The following DPP10 variants were observed in gnomAD, a reference collection of about 807,000 sequenced individuals.
The protein encoded by DPP10 is dipeptidyl peptidase like 10.
In DPP10, 33 loss-of-function variants were observed where a neutral mutation model predicts 120.9. The observed-to-expected ratio is 0.27, with a 90% CI of 0.21 to 0.37. DPP10 has a LOEUF of 0.37. DPP10 is among the 10% of genes least tolerant of loss of function. DPP10 has a pLI of 1.00. For missense variants in DPP10, 816 were observed against 942.8 expected, an observed-to-expected ratio of 0.87 and a Z score of 1.76; for synonymous variants, 337 against 326.1, an observed-to-expected ratio of 1.03 and a Z score of -0.36.
At chr2:115,617,778 C>G (rs1037781391) in intron 5 of DPP10, among the ~76,000 whole-genome samples, 3 of 152,108 alleles carry the variant, frequency 2.0e-5, no homozygotes, top group African/African-American at 4.8e-5. Context: ...GTACCCCCAT[C>G]ATTAAGTAAT....
intron 3 of DPP10, among the ~76,000 whole-genome samples, chr2:115,455,025 A>G (rs1248547044): frequency 1.3e-5 from 2 of 150,956 alleles, no homozygotes; most frequent in Non-Finnish European, 3.0e-5. Flanking sequence ...TATAATATAT[A>G]TTAATATAGC....
chr2:115,246,587 G>A (rs544099482), intron 1 of DPP10, among the ~76,000 whole-genome samples: 6 of 152,170 alleles, frequency 3.9e-5, no homozygotes, highest in Admixed American at 6.5e-5. Flanking sequence ...GCATCTGGGC[G>A]AAGTGTGAAG....
intron 1 of DPP10, among the ~76,000 whole-genome samples, chr2:114,987,870 C>T (rs1305825022): frequency 7.8e-6 from 1 of 128,726 alleles, no homozygotes; most frequent in African/African-American, 2.9e-5. Flanking sequence ...GTGGCTCGAT[C>T]TCGGCTCACT....
chr2:115,263,184 C>T (rs933861688), intron 1 of DPP10, among the ~76,000 whole-genome samples: 3 of 152,180 alleles, frequency 2.0e-5, no homozygotes, highest in Non-Finnish European at 4.4e-5. Context: ...GGATCACAAA[C>T]ATGTGTTTGT....
intron 1 of DPP10, among the ~76,000 whole-genome samples, chr2:114,666,207 C>T (rs1697909643): frequency 6.6e-6 from 1 of 152,180 alleles, no homozygotes; most frequent in African/African-American, 2.4e-5. Flanking sequence ...AGTCATTTAA[C>T]ACTGTTTTAA....
intron 1 of DPP10, among the ~76,000 whole-genome samples, chr2:114,920,308 A>G (rs1695109291): frequency 6.6e-6 from 1 of 152,204 alleles, no homozygotes. Flanking sequence ...ACATGTTCTA[A>G]GGAAGAATGT....
chr2:114,613,597 G>A (rs1346341360), intron 1 of DPP10, among the ~76,000 whole-genome samples: 1 of 152,080 alleles, frequency 6.6e-6, no homozygotes, highest in Non-Finnish European at 1.5e-5. Context: ...CCATGACCCA[G>A]CAATCCCTTT....
chr2:115,120,151 C>T (rs1199009279), intron 1 of DPP10, among the ~76,000 whole-genome samples: 1 of 152,224 alleles, frequency 6.6e-6, no homozygotes, highest in African/African-American at 2.4e-5. Context: ...TTATCCATGT[C>T]ATCAGTGTTG....
chr2:115,336,992 TA>T (rs942836759), intron 2 of DPP10, among the ~76,000 whole-genome samples: 1 of 152,032 alleles, frequency 6.6e-6, no homozygotes. Flanking sequence ...GATTCTAACA[TA>T]AATTAAGTTC....
chr2:115,204,040 C>T (rs1309413247), intron 1 of DPP10, among the ~76,000 whole-genome samples: 1 of 152,016 alleles, frequency 6.6e-6, no homozygotes, highest in African/African-American at 2.4e-5. Context: ...GAAGAGACTC[C>T]CCCTCACGTT....
At chr2:115,266,503 C>T (rs1322239469) in intron 1 of DPP10, among the ~76,000 whole-genome samples, 1 of 152,142 alleles carries the variant, frequency 6.6e-6, no homozygotes, top group East Asian at 1.9e-4. Context: ...TAGGTACACT[C>T]TTGAGACAGG....
intron 1 of DPP10, among the ~76,000 whole-genome samples, chr2:114,498,127 G>A (rs1285467204): frequency 1.3e-5 from 2 of 152,176 alleles, no homozygotes; most frequent in Non-Finnish European, 2.9e-5. Flanking sequence ...ATTAAATCAA[G>A]CTAATTAACA....
intron 1 of DPP10, among the ~76,000 whole-genome samples, chr2:114,744,894 T>C (rs2106004800): frequency 6.6e-6 from 1 of 152,278 alleles, no homozygotes; most frequent in South Asian, 2.1e-4. Context: ...CCTGAGTAAC[T>C]GGGACTACAG....
chr2:114,904,444 A>C (rs941915626), intron 1 of DPP10, among the ~76,000 whole-genome samples: 1 of 152,242 alleles, frequency 6.6e-6, no homozygotes, highest in Non-Finnish European at 1.5e-5. Context: ...AAGTGTCAAA[A>C]GAGCAGCTTT....
intron 1 of DPP10, among the ~76,000 whole-genome samples, chr2:114,662,119 C>T (rs915538863): frequency 2.6e-5 from 4 of 152,112 alleles, no homozygotes; most frequent in African/African-American, 9.7e-5. Flanking sequence ...CTCTGCCGCT[C>T]AGTGGGGACC....
At chr2:114,636,622 C>A (rs192347343) in intron 1 of DPP10, among the ~76,000 whole-genome samples, 2 of 152,072 alleles carry the variant, frequency 1.3e-5, no homozygotes, top group Admixed American at 1.3e-4. Context: ...GTAGTAAGAT[C>A]CATGTTTGCT....
In DPP10 at chr2:114,829,212, C is replaced by T. The variant is rs562339432; in HGVS notation, c.60+386374C>T. Among the ~76,000 whole-genome samples, 527 of 151,830 alleles carry T rather than the reference C, an allele frequency of 3.5e-3. 2 individuals are homozygous for T. Among genetic ancestry groups the T allele is most frequent in the Non-Finnish European group, 5.9e-3 (404 of 67,932 alleles). On this transcript the variant is annotated intron_variant, in intron 1 of 25. Coordinates refer to ENST00000410059, the MANE Select transcript of DPP10 (RefSeq NM_020868.6). ...GCTGAAGAAGGAGAACTGCTTGAAC[C>T]GGGGGCAGCAGAGGTAGCAGTGAGC...
chr2:114,690,311 C>G (rs966938616), intron 1 of DPP10, among the ~76,000 whole-genome samples: 2 of 151,994 alleles, frequency 1.3e-5, no homozygotes, highest in Admixed American at 6.6e-5. Flanking sequence ...CGCTAGCCAG[C>G]ACTCCCAGCA....
chr2:114,828,894 G>A (rs972513074), intron 1 of DPP10: 1 of 152,174 alleles, frequency 6.6e-6, no homozygotes, highest in African/African-American at 2.4e-5. Flanking sequence ...GAGAGATATT[G>A]AAAATGAATA....
Sources: allele counts gnomAD v4.1 joint callset (sites outside exome capture counted in the v4.1 genomes callset), GRCh38; gene constraint gnomAD v4.1.1; transcripts MANE v1.5; gene names NCBI Gene and HGNC (gene_info 2026-07-23, HGNC 2026-07-21).